Variants in PRDM16 observed in about 807,000 individuals in gnomAD.
The protein encoded by PRDM16 is histone-lysine N-methyltransferase PRDM16.
A neutral mutation model predicts 110.6 loss-of-function variants in PRDM16; 23 were observed. The ratio of observed to expected loss-of-function variants is 0.21; its 90% CI spans 0.15 to 0.29. The LOEUF (loss-of-function observed/expected upper bound fraction) is 0.29. PRDM16 is among the 10% of genes least tolerant of loss of function. The pLI is 1.00. For missense variants in PRDM16, 1,615 were observed against 1,794.3 expected (o/e 0.90, Z 1.81); for synonymous variants, 799 against 781.8 (o/e 1.02, Z -0.37).
At chr1:3,272,326 TG>T (rs1336384102) in intron 3 of PRDM16, among the ~76,000 whole-genome samples, 1 of 152,118 alleles carries the variant, frequency 6.6e-6, no homozygotes, top group East Asian at 1.9e-4. Context: ...GGGCTCTCCG[TG>T]GGGGCTCTTT....
At chr1:3,301,350 GAAAAAA>G (rs774850084) in intron 3 of PRDM16, among the ~76,000 whole-genome samples, 2 of 117,856 alleles carry the variant, frequency 1.7e-5, no homozygotes, top group African/African-American at 6.4e-5. Flanking sequence ...AAAAAAAAAA[GAAAAAA>G]AAAAAGGAAG....
At chr1:3,347,570 G>A (rs1274036268) in intron 3 of PRDM16, among the ~76,000 whole-genome samples, 2 of 152,228 alleles carry the variant, frequency 1.3e-5, no homozygotes, top group Non-Finnish European at 2.9e-5. Context: ...GGGGGTGGGG[G>A]CAGAGCCGTC....
At chr1:3,131,146 T>C (rs757241885) in intron 1 of PRDM16, among the ~76,000 whole-genome samples, 21 of 152,164 alleles carry the variant, frequency 1.4e-4, no homozygotes, top group Non-Finnish European at 2.8e-4. Flanking sequence ...TTTGGTTGTT[T>C]TCGTTTTTTT....
In PRDM16 at chr1:3,230,134, C is replaced by T. The variant is rs529204100; in HGVS notation, c.388-13953C>T. On this transcript the variant is annotated intron_variant, in intron 2 of 16. Transcript: ENST00000270722. ...AGATGAAATCACTAGAGGATGCTTT[C>T]GGGCACCCAGTGTGCTGTCTAGCCG... 4.6e-5 allele frequency among the ~76,000 whole-genome samples: 7 copies of T among 152,298 alleles called. No homozygotes were observed. The South Asian group carries it at 1.0e-3, about 23-fold the overall frequency.
chr1:3,093,325 G>A (rs1052475426), intron 1 of PRDM16, among the ~76,000 whole-genome samples: 1 of 152,220 alleles, frequency 6.6e-6, no homozygotes. Context: ...GCGATGTTTG[G>A]TAGCACCGGG....
chr1:3,177,225 C>G (rs1037851755), intron 1 of PRDM16, among the ~76,000 whole-genome samples: 3 of 152,302 alleles, frequency 2.0e-5, no homozygotes, highest in Non-Finnish European at 2.9e-5. Flanking sequence ...ATCCACCCAC[C>G]CACCCATCCA....
intron 3 of PRDM16, among the ~76,000 whole-genome samples, chr1:3,270,183 C>T (rs928123449): frequency 1.4e-5 from 2 of 138,616 alleles, no homozygotes; most frequent in Admixed American, 1.4e-4. Context: ...TGGAGGAGGA[C>T]AGTCGGGGAA....
intron 3 of PRDM16, among the ~76,000 whole-genome samples, chr1:3,273,976 T>TTA (rs1640525270): frequency 2.9e-5 from 2 of 68,538 alleles, no homozygotes; most frequent in Admixed American, 1.6e-4. Context: ...TATGGGGAGG[T>TTA]AAAAAAAAAA....
intron 2 of PRDM16, among the ~76,000 whole-genome samples, chr1:3,189,818 C>T (rs1474698453): frequency 1.3e-5 from 2 of 152,122 alleles, no homozygotes; most frequent in Non-Finnish European, 2.9e-5. Context: ...GCAGCCCCTG[C>T]AGGAACAGGG....
At chr1:3,229,816 C>A (rs1022426188) in intron 2 of PRDM16, among the ~76,000 whole-genome samples, 1 of 152,214 alleles carries the variant, frequency 6.6e-6, no homozygotes, top group African/African-American at 2.4e-5. Context: ...CCCAGAGGAG[C>A]CCCTGGCCCA....
chr1:3,281,736 T>C (rs1240288492), intron 3 of PRDM16, among the ~76,000 whole-genome samples: 1 of 152,208 alleles, frequency 6.6e-6, no homozygotes, highest in Non-Finnish European at 1.5e-5. Context: ...GTGCTCTGAT[T>C]GGGTTCATTG....
At chr1:3,088,178 T>A (rs1208418511) in intron 1 of PRDM16, among the ~76,000 whole-genome samples, 3 of 152,142 alleles carry the variant, frequency 2.0e-5, no homozygotes, top group African/African-American at 7.2e-5. Context: ...GGAGTTTTGT[T>A]TGGCTGAGAA....
At chr1:3,224,172 G>A (rs2100871255) in intron 2 of PRDM16, among the ~76,000 whole-genome samples, 1 of 152,322 alleles carries the variant, frequency 6.6e-6, no homozygotes, top group Non-Finnish European at 1.5e-5. Context: ...TGGGGCTGGG[G>A]ACAGCAGGGC....
chr1:3,416,295 G>A (rs1002195823), intron 10 of PRDM16, among the ~76,000 whole-genome samples: 9 of 152,212 alleles, frequency 5.9e-5, no homozygotes, highest in South Asian at 2.1e-4. Flanking sequence ...GCAGGTCTCC[G>A]AAAAGCTGAG....
chr1:3,409,862 TTTGTGTGCATGTGTGTGG>T (rs1389757967), intron 8 of PRDM16, among the ~76,000 whole-genome samples: 9 of 76,954 alleles, frequency 1.2e-4, no homozygotes, highest in East Asian at 7.2e-4. Flanking sequence ...GTGTGTGGTG[TTTGTGTGCATGTGTGTGG>T]TTGTGTGCAT....
At chr1:3,218,187 G>A (rs918979686) in intron 2 of PRDM16, among the ~76,000 whole-genome samples, 2 of 152,210 alleles carry the variant, frequency 1.3e-5, no homozygotes, top group African/African-American at 4.8e-5. Flanking sequence ...CTCTCGGCAG[G>A]GAGCCGCAGG....
At chr1:3,320,402 G>T (rs1334261610) in intron 3 of PRDM16, among the ~76,000 whole-genome samples, 1 of 152,204 alleles carries the variant, frequency 6.6e-6, no homozygotes, top group African/African-American at 2.4e-5. Context: ...GTGGGGCTTG[G>T]TCTCTGCAAA....
intron 3 of PRDM16, among the ~76,000 whole-genome samples, chr1:3,337,141 A>G (rs1285149992): frequency 7.0e-6 from 1 of 142,594 alleles, no homozygotes; most frequent in African/African-American, 2.7e-5. Context: ...GCATGCACAT[A>G]TGTGTTGGTG....
chr1:3,146,551 T>G (rs1643659642), intron 1 of PRDM16, among the ~76,000 whole-genome samples: 1 of 142,130 alleles, frequency 7.0e-6, no homozygotes, highest in African/African-American at 2.7e-5. Flanking sequence ...GTGTTCGGTG[T>G]GGGGTGTGTA....
Sources: allele counts gnomAD v4.1 joint callset (sites outside exome capture counted in the v4.1 genomes callset), GRCh38; gene constraint gnomAD v4.1.1; transcripts MANE v1.5; gene names NCBI Gene and HGNC (gene_info 2026-07-23, HGNC 2026-07-21).